ARHGEF9: variants seen among roughly 807,000 people sequenced by gnomAD.
ARHGEF9 encodes Cdc42 guanine nucleotide exchange factor 9.
In ARHGEF9, 2 loss-of-function variants were observed where a neutral mutation model predicts 41.3. The observed-to-expected ratio is 0.05, with a 90% confidence interval of 0.02 to 0.15. The LOEUF (loss-of-function observed/expected upper bound fraction) is 0.15. ARHGEF9 is among the 10% of genes least tolerant of loss of function. The probability of loss-of-function intolerance (pLI) is 1.00; values close to 1 mark genes in which losing one functional copy is unlikely to be tolerated. For synonymous variants in ARHGEF9, 160 were observed against 154.4 expected, an observed-to-expected ratio of 1.04 and a Z score of -0.27; for missense variants, 225 against 424.7, an observed-to-expected ratio of 0.53 and a Z score of 4.13.
At position 63,637,912 on chromosome X, in the gene ARHGEF9, G is replaced by T; in HGVS notation, c.*116C>A. On this transcript the variant is annotated 3_prime_UTR_variant, in exon 10 of 10. Transcript: ENST00000671741. ...TGTGTGTGTGTGTATGTGTACTCAA[G>T]GGTCTCTGTGTGTGTGTGTGTGTAT... The T allele has an allele frequency of 1.9e-6, 1 of 539,352 alleles. No individual in the cohort carries two copies. Among genetic ancestry groups the T allele is most frequent in the Non-Finnish European group, 2.9e-6 (1 of 341,595 alleles). 44.4% of individuals were successfully genotyped at this position (539,352 alleles called of 1,213,427 possible).
intron 1 of ARHGEF9, among the ~76,000 whole-genome samples, chrX:63,780,853 G>GAT (rs1556461674): frequency 9.0e-6 from 1 of 111,696 alleles, no homozygotes; most frequent in African/African-American, 3.3e-5. Flanking sequence ...GTTTGTAAAG[G>GAT]TTCAAAATCA....
At chrX:63,708,188 G>A (rs377183890) in intron 2 of ARHGEF9, among the ~76,000 whole-genome samples, 1 of 111,394 alleles carries the variant, frequency 9.0e-6, no homozygotes, top group East Asian at 2.8e-4. Flanking sequence ...ACATGATGCT[G>A]TCTATTTGTA....
At chrX:63,727,181 A>C (rs1355503956) in intron 1 of ARHGEF9, 5 of 111,771 alleles carry the variant, frequency 4.5e-5, no homozygotes, top group African/African-American at 1.6e-4. Flanking sequence ...TCTCAGTATC[A>C]ATTACCAACC....
chrX:63,694,177 T>G (rs2051575503), intron 4 of ARHGEF9, among the ~76,000 whole-genome samples: 1 of 106,260 alleles, frequency 9.4e-6, no homozygotes, highest in Non-Finnish European at 1.9e-5. Flanking sequence ...AGCAAGACTC[T>G]GTCTCCAAAA....
At chrX:63,710,810 C>A (rs1213813390) in intron 2 of ARHGEF9, among the ~76,000 whole-genome samples, 1 of 110,851 alleles carries the variant, frequency 9.0e-6, no homozygotes, top group Non-Finnish European at 1.9e-5. Context: ...TTTTATTCAA[C>A]CTTATACTGA....
intron 1 of ARHGEF9, among the ~76,000 whole-genome samples, chrX:63,774,342 A>G (rs782005636): frequency 9.0e-6 from 1 of 111,199 alleles, no homozygotes; most frequent in Non-Finnish European, 1.9e-5. Context: ...AGTATTTGAG[A>G]TTGCCTATCA....
At chrX:63,694,550 G>T (rs1415989679) in intron 4 of ARHGEF9, among the ~76,000 whole-genome samples, 1 of 112,478 alleles carries the variant, frequency 8.9e-6, no homozygotes, top group Non-Finnish European at 1.9e-5. Context: ...ATATGCAACA[G>T]CATGGATGGA....
intron 8 of ARHGEF9, among the ~76,000 whole-genome samples, chrX:63,646,744 TAG>T (rs1256649547): frequency 8.9e-6 from 1 of 112,107 alleles, no homozygotes; most frequent in African/African-American, 3.2e-5. Flanking sequence ...AACTTTAAAG[TAG>T]TTTTTTCCAA....
At chrX:63,700,013 T>G (rs1321521041) in intron 3 of ARHGEF9, among the ~76,000 whole-genome samples, 4 of 111,651 alleles carry the variant, frequency 3.6e-5, no homozygotes, top group African/African-American at 1.3e-4. Flanking sequence ...ATTGTCTTCA[T>G]GATCAAAAAT....
chrX:63,772,020 G>C (rs1556455171), intron 1 of ARHGEF9, among the ~76,000 whole-genome samples: 1 of 111,834 alleles, frequency 8.9e-6, no homozygotes, highest in Non-Finnish European at 1.9e-5. Flanking sequence ...AAAACTGTGT[G>C]AGCCAATTCC....
At chrX:63,717,376 G>A (rs1441014613) in intron 2 of ARHGEF9, among the ~76,000 whole-genome samples, 3 of 112,410 alleles carry the variant, frequency 2.7e-5, no homozygotes, top group Non-Finnish European at 1.9e-5. Flanking sequence ...AAGCCTGGCA[G>A]TGTCAGCATG....
chrX:63,662,482 G>A (rs1556342706), intron 7 of ARHGEF9, among the ~76,000 whole-genome samples: 1 of 111,666 alleles, frequency 9.0e-6, no homozygotes, highest in Non-Finnish European at 1.9e-5. Flanking sequence ...TGTGGCCACT[G>A]TATCTCTTTC....
chrX:63,774,045 A>ATATC (rs3051724), intron 1 of ARHGEF9, among the ~76,000 whole-genome samples: 1,619 of 99,023 alleles, frequency 0.016, 10 homozygotes, highest in Non-Finnish European at 0.019. Flanking sequence ...ATCCATTATA[A>ATATC]TATCTATCTA....
chrX:63,688,866 G>A (rs782434599), intron 4 of ARHGEF9, among the ~76,000 whole-genome samples: 1 of 112,280 alleles, frequency 8.9e-6, no homozygotes, highest in Admixed American at 9.4e-5. Context: ...GGAAGTAATG[G>A]ACTTAAATTT....
intron 2 of ARHGEF9, among the ~76,000 whole-genome samples, chrX:63,708,107 T>C (rs1569482834): frequency 9.0e-6 from 1 of 110,643 alleles, no homozygotes; most frequent in Non-Finnish European, 1.9e-5. Context: ...ATATGAGAGA[T>C]AATTATTCAA....
chrX:63,736,346 G>C (rs2054613979), intron 1 of ARHGEF9, among the ~76,000 whole-genome samples: 2 of 110,919 alleles, frequency 1.8e-5, no homozygotes, highest in African/African-American at 6.6e-5. Flanking sequence ...TGAAAGTGGT[G>C]GGGGTAGAGA....
At chrX:63,648,255 G>A in intron 8 of ARHGEF9, among the ~76,000 whole-genome samples, 1 of 111,633 alleles carries the variant, frequency 9.0e-6, no homozygotes, top group Non-Finnish European at 1.9e-5. Flanking sequence ...GGATCTCTCG[G>A]CAGAAACTCT....
At chrX:63,665,590 C>A (rs1275213475) in intron 7 of ARHGEF9, among the ~76,000 whole-genome samples, 1 of 112,428 alleles carries the variant, frequency 8.9e-6, no homozygotes, top group Non-Finnish European at 1.9e-5. Context: ...TGCAGACCAG[C>A]AGCTCTGGGT....
chrX:63,710,297 A>G (rs12391160), intron 2 of ARHGEF9, among the ~76,000 whole-genome samples: 1 of 69,958 alleles, frequency 1.4e-5, no homozygotes, highest in African/African-American at 8.3e-5. Flanking sequence ...CACATGGGAG[A>G]AAAAAAAAAA....
Sources: allele counts gnomAD v4.1 joint callset (sites outside exome capture counted in the v4.1 genomes callset), GRCh38; gene constraint gnomAD v4.1.1; transcripts MANE v1.5; gene names NCBI Gene and HGNC (gene_info 2026-07-23, HGNC 2026-07-21).